The following PLCZ1 variants were observed in gnomAD, a reference collection of about 807,000 sequenced individuals.
PLCZ1 encodes the protein 1-phosphatidylinositol 4,5-bisphosphate phosphodiesterase zeta-1.
Under a neutral mutation model 76.8 loss-of-function variants are expected in PLCZ1, and 64 were observed. The ratio of observed to expected loss-of-function variants is 0.83; its 90% CI spans 0.68 to 1.03. The LOEUF is 1.03. Among genes scored for constraint, PLCZ1 ranks in the 50% least tolerant of loss-of-function variants. PLCZ1 has a pLI of 0.00. For synonymous variants in PLCZ1, 248 were observed against 230.8 expected, an observed-to-expected ratio of 1.07 and a Z score of -0.68; for missense variants, 751 against 713.7, an observed-to-expected ratio of 1.05 and a Z score of -0.60.
intron 4 of PLCZ1, among the ~76,000 whole-genome samples, chr12:18,721,772 T>G (rs1030097336): frequency 6.6e-6 from 1 of 151,690 alleles, no homozygotes; most frequent in African/African-American, 2.4e-5. Flanking sequence ...ATATAGTCGC[T>G]TAGTATTCTT....
At chr12:18,656,957 A>G in the PLCZ1 span, among the ~76,000 whole-genome samples, 3 of 152,258 alleles carry the variant, frequency 2.0e-5, no homozygotes, top group Middle Eastern at 3.4e-3. Context: ...AGGCAGCCCT[A>G]ATGACAGCAG....
the PLCZ1 span, among the ~76,000 whole-genome samples, chr12:18,663,521 G>A: frequency 2.0e-5 from 3 of 152,026 alleles, no homozygotes; most frequent in Non-Finnish European, 4.4e-5. Context: ...AACTTCTGTG[G>A]ATTTTGATAT....
chr12:18,660,352 A>T, the PLCZ1 span, among the ~76,000 whole-genome samples: 1 of 152,140 alleles, frequency 6.6e-6, no homozygotes, highest in East Asian at 1.9e-4. Context: ...AAAGGCAGAG[A>T]CACAGACAAA....
chr12:18,692,693 A>C, intron 12 of PLCZ1: 1 of 732,770 alleles, frequency 1.4e-6, no homozygotes, highest in South Asian at 1.7e-5. Context: ...GTAAAGAACA[A>C]AATCAAATAC....
At chr12:18,678,523 C>T (rs141086512), downstream of PLCZ1, among the ~76,000 whole-genome samples, 25 of 152,156 alleles carry the variant, frequency 1.6e-4, no homozygotes, top group African/African-American at 4.6e-4. Flanking sequence ...CCATCCCTAA[C>T]GCCATTCACT....
chr12:18,672,840 T>C, the PLCZ1 span, among the ~76,000 whole-genome samples: 1 of 152,086 alleles, frequency 6.6e-6, no homozygotes, highest in Non-Finnish European at 1.5e-5. Flanking sequence ...ATGTAGTCCA[T>C]TCAGGGCTAC....
At chr12:18,728,274 A>G (rs938657899) in intron 3 of PLCZ1, among the ~76,000 whole-genome samples, 1 of 152,204 alleles carries the variant, frequency 6.6e-6, no homozygotes, top group Non-Finnish European at 1.5e-5. Context: ...TTATATCAAC[A>G]TTCTTACACT....
intron 4 of PLCZ1, 42 bp from the exon 5 acceptor site, chr12:18,719,674 A>T: frequency 7.2e-7 from 1 of 1,386,034 alleles, no homozygotes; most frequent in Non-Finnish European, 9.9e-7. Context: ...ATGCAAAAAT[A>T]CCATTAGCAA....
At chr12:18,699,517 C>G (rs1955595255) in intron 10 of PLCZ1, among the ~76,000 whole-genome samples, 1 of 152,112 alleles carries the variant, frequency 6.6e-6, no homozygotes, top group South Asian at 2.1e-4. Flanking sequence ...CTCTCCTATA[C>G]AAGCTGCTCA....
chr12:18,650,738 A>ATATATC, the PLCZ1 span, among the ~76,000 whole-genome samples: 11 of 30,828 alleles, frequency 3.6e-4, no homozygotes, highest in Non-Finnish European at 1.1e-4. Context: ...ATATATATAT[A>ATATATC]TATATATATA....
chr12:18,683,537 C>G, intron 14 of PLCZ1: 1 of 1,507,756 alleles, frequency 6.6e-7, no homozygotes, highest in Non-Finnish European at 8.9e-7. Flanking sequence ...GAATACACAG[C>G]TCATACTTCT....
At chr12:18,674,092 A>C in the PLCZ1 span, among the ~76,000 whole-genome samples, 1 of 152,234 alleles carries the variant, frequency 6.6e-6, no homozygotes, top group Non-Finnish European at 1.5e-5. Context: ...GTCTACCACA[A>C]CTGTGAAGAA....
At chr12:18,672,352 G>A in the PLCZ1 span, among the ~76,000 whole-genome samples, 1 of 151,896 alleles carries the variant, frequency 6.6e-6, no homozygotes, top group Non-Finnish European at 1.5e-5. Context: ...AAAAGGGAAA[G>A]GTTTTTAATT....
chr12:18,723,298 A>T lies in PLCZ1; in HGVS notation c.367+13T>A. On this transcript the variant is annotated intron_variant, in intron 4 of 14. Transcript: ENST00000266505. ...TATAAATATTCCGATAAAAGTTTGA[A>T]ATGCAAACATACCTTCTTCGATAGG... 6.3e-7 allele frequency: 1 copy of T among 1,598,418 alleles called. No individual in the cohort carries two copies. Among genetic ancestry groups the T allele is most frequent in the African/African-American group, 1.3e-5 (1 of 74,624 alleles).
At chr12:18,733,959 G>T (rs1025404217) in intron 3 of PLCZ1, among the ~76,000 whole-genome samples, 8 of 151,904 alleles carry the variant, frequency 5.3e-5, no homozygotes, top group Non-Finnish European at 7.4e-5. Context: ...GGTCTTTTTT[G>T]ATTCCAATAT....
the PLCZ1 span, among the ~76,000 whole-genome samples, chr12:18,663,647 A>G: frequency 6.6e-6 from 1 of 152,188 alleles, no homozygotes; most frequent in Non-Finnish European, 1.5e-5. Context: ...AACTCTTAGA[A>G]AAAAAAACAT....
rs763145997 is a variant in PLCZ1 at position 18,702,016 on chromosome 12, AT to A, written c.865-241del. 3.3e-3 allele frequency among the ~76,000 whole-genome samples: 496 copies of A among 151,874 alleles called. 2 individuals carry two copies. The highest frequency in any genetic ancestry group is 0.014 in the Middle Eastern group (4 of 292). The stretch of plus-strand genomic sequence containing the variant: ...TTATGATTGAGACTTACCATATGCC[AT>A]TTTTTTTATATTTCCCAAGTTGGTA... On this transcript the variant is annotated intron_variant, in intron 7 of 14. Transcript: ENST00000266505.
intron 14 of PLCZ1, 150 bp from the exon 15 acceptor site, chr12:18,683,474 A>G (rs1952631498): frequency 2.0e-6 from 3 of 1,466,166 alleles, no homozygotes; most frequent in Non-Finnish European, 2.8e-6. Flanking sequence ...TTAATCTTCC[A>G]CAAAAATTAA....
intron 5 of PLCZ1, among the ~76,000 whole-genome samples, chr12:18,718,311 C>T (rs1177856636): frequency 2.0e-5 from 3 of 152,112 alleles, no homozygotes; most frequent in Non-Finnish European, 4.4e-5. Context: ...CACCATCTTC[C>T]CAAATCATCT....
Sources: gnomAD v4.1 joint callset for allele counts (sites outside exome capture counted in the v4.1 genomes callset) on GRCh38, gnomAD v4.1.1 for gene constraint, MANE v1.5 for transcripts, NCBI Gene and HGNC (gene_info 2026-07-23, HGNC 2026-07-21) for gene names.